The following FRK variants were observed in gnomAD, a reference collection of about 807,000 sequenced individuals.
FRK encodes fyn related Src family tyrosine kinase.
In FRK, 51 loss-of-function variants were observed where a neutral mutation model predicts 56.4. That is an observed-to-expected ratio of 0.90 (90% CI 0.72 to 1.14). The LOEUF is 1.14. Ranked by LOEUF, FRK falls within the 50% of genes most tolerant of loss-of-function variation. FRK has a pLI of 0.00. For synonymous variants in FRK, 245 were observed against 217.9 expected, an observed-to-expected ratio of 1.12 and a Z score of -1.10; for missense variants, 570 against 601.4, an observed-to-expected ratio of 0.95 and a Z score of 0.55.
In FRK at chr6:115,932,208, T is replaced by C. The variant is rs1038897506; in HGVS notation, c.*10206A>G. The C allele has an allele frequency of 6.6e-6, 1 of 152,204 alleles. No individual in the cohort carries two copies. Among genetic ancestry groups the C allele is most frequent in the African/African-American group, 2.4e-5 (1 of 41,452 alleles). The allele number at this position is 152,204 out of a possible 1,614,324, so 9.4% of individuals were successfully genotyped here. ...TTCTCCAGTATATTTCTAAATTTCA[T>C]AAATAACTTGAGAGGCCTACTAACA... On this transcript the variant is annotated 3_prime_UTR_variant, in exon 8 of 8. Coordinates refer to ENST00000606080, the MANE Select transcript of FRK (RefSeq NM_002031.3).
At chr6:115,986,900 C>T (rs1774417113) in intron 2 of FRK, among the ~76,000 whole-genome samples, 1 of 152,120 alleles carries the variant, frequency 6.6e-6, no homozygotes. Flanking sequence ...GATAGCAGCT[C>T]CATTAATTTG....
the FRK span, among the ~76,000 whole-genome samples, chr6:116,096,411 T>A: frequency 2.0e-5 from 3 of 152,172 alleles, no homozygotes; most frequent in Non-Finnish European, 4.4e-5. Context: ...TGTGTCTAAC[T>A]AAAGGATTGT....
upstream of FRK, among the ~76,000 whole-genome samples, chr6:116,065,248 A>C (rs1476209428): frequency 6.6e-6 from 1 of 152,158 alleles, no homozygotes; most frequent in Non-Finnish European, 1.5e-5. Context: ...AATGATCCCC[A>C]AACCCTGCTA....
At chr6:116,043,840 G>C (rs1186710321) in intron 1 of FRK, among the ~76,000 whole-genome samples, 1 of 152,064 alleles carries the variant, frequency 6.6e-6, no homozygotes, top group African/African-American at 2.4e-5. Context: ...TAGACCGCTA[G>C]ACAGACTAAT....
At chr6:115,975,524 G>T (rs1472700493) in intron 2 of FRK, among the ~76,000 whole-genome samples, 1 of 152,056 alleles carries the variant, frequency 6.6e-6, no homozygotes, top group East Asian at 1.9e-4. Flanking sequence ...TTGAATTCAG[G>T]TGTCTCAGAA....
At chr6:115,975,798 A>G (rs576902462) in intron 2 of FRK, among the ~76,000 whole-genome samples, 9 of 152,310 alleles carry the variant, frequency 5.9e-5, no homozygotes. Flanking sequence ...CTGAGTTTAC[A>G]TGTTGTTTGA....
At chr6:116,036,447 C>A (rs796564636) in intron 1 of FRK, among the ~76,000 whole-genome samples, 1 of 152,102 alleles carries the variant, frequency 6.6e-6, no homozygotes, top group South Asian at 2.1e-4. Flanking sequence ...TATAATGTTA[C>A]ATTGATAACA....
intron 5 of FRK, among the ~76,000 whole-genome samples, chr6:115,947,805 C>T (rs1772528532): frequency 6.6e-6 from 1 of 152,152 alleles, no homozygotes; most frequent in African/African-American, 2.4e-5. Flanking sequence ...TAGTATGCAG[C>T]ATAATGGCAA....
At chr6:116,080,347 G>C in the FRK span, among the ~76,000 whole-genome samples, 1 of 152,018 alleles carries the variant, frequency 6.6e-6, no homozygotes, top group Non-Finnish European at 1.5e-5. Context: ...GTAGAGATGG[G>C]GTTTCACCAT....
the FRK span, among the ~76,000 whole-genome samples, chr6:116,086,966 T>C: frequency 2.0e-5 from 3 of 152,230 alleles, no homozygotes; most frequent in African/African-American, 4.8e-5. Context: ...TTCCTGCAGC[T>C]AGACAAAATA....
rs113701747 is a variant in FRK at position 115,942,349 on chromosome 6, G to T, written c.*65C>A. 3.8e-6 allele frequency: 5 copies of T among 1,312,066 alleles called. No homozygotes were observed. In the African/African-American group the frequency reaches 5.8e-5, roughly 15 times the overall value. 81.3% of individuals were successfully genotyped at this position (1,312,066 alleles called of 1,614,324 possible). Reference sequence around the variant, plus strand: ...GATTGTGCAGTTGGTTGATAACATTGTATTTTGGAATGGATTATTTGAATT... The same window carrying T: ...GATTGTGCAGTTGGTTGATAACATTTTATTTTGGAATGGATTATTTGAATT... On this transcript the variant is annotated 3_prime_UTR_variant, in exon 8 of 8. Coordinates refer to ENST00000606080, the MANE Select transcript of FRK (RefSeq NM_002031.3).
At chr6:116,077,592 T>C in the FRK span, among the ~76,000 whole-genome samples, 1 of 152,244 alleles carries the variant, frequency 6.6e-6, no homozygotes, top group East Asian at 1.9e-4. Flanking sequence ...TTACCCTTAA[T>C]TTCTTTCTTG....
Position 115,970,738 on chromosome 6 carries a change from AAAT to A in FRK, c.467-2002_467-2000del, listed in dbSNP as rs1349873770. 1.1e-4 allele frequency among the ~76,000 whole-genome samples: 16 copies of A among 152,230 alleles called. No homozygotes were observed. The South Asian group carries it at 3.1e-3, about 30-fold the overall frequency. On this transcript the variant is annotated intron_variant, in intron 2 of 7. Transcript: ENST00000606080. ...TGGTGGCAGACCCTGTCTCAACAAA[AAAT>A]AATAATAATAATTGTTTTTAAATTA...
chr6:116,015,656 G>A (rs1775620663), intron 1 of FRK, among the ~76,000 whole-genome samples: 1 of 152,118 alleles, frequency 6.6e-6, no homozygotes, highest in East Asian at 1.9e-4. Context: ...ATAGTAATAT[G>A]GACAATGAAT....
chr6:116,094,991 G>T, the FRK span, among the ~76,000 whole-genome samples: 34 of 152,346 alleles, frequency 2.2e-4, no homozygotes, highest in African/African-American at 7.9e-4. Context: ...ATAATTGAAG[G>T]TCTTCTCTAT....
intron 2 of FRK, among the ~76,000 whole-genome samples, chr6:115,995,785 A>G (rs979301181): frequency 1.3e-5 from 2 of 152,286 alleles, no homozygotes; most frequent in Middle Eastern, 3.4e-3. Context: ...ACATAATAAA[A>G]TGTTAATTTA....
chr6:116,012,950 CA>C (rs1176388444), intron 1 of FRK, among the ~76,000 whole-genome samples: 1 of 152,098 alleles, frequency 6.6e-6, no homozygotes, highest in Non-Finnish European at 1.5e-5. Flanking sequence ...AAAACACAAG[CA>C]TATCAGGGCT....
chr6:116,039,537 T>TA, intron 1 of FRK: 1 of 1,156,600 alleles, frequency 8.6e-7, no homozygotes. Context: ...AGCCAGGGAC[T>TA]AAGCAGCCCA....
At chr6:116,009,938 A>T (rs908978372) in intron 1 of FRK, among the ~76,000 whole-genome samples, 24 of 152,296 alleles carry the variant, frequency 1.6e-4, no homozygotes, top group African/African-American at 5.8e-4. Flanking sequence ...TTAAAAAATC[A>T]ACAAACTGGC....
Sources: gnomAD v4.1 joint callset for allele counts (sites outside exome capture counted in the v4.1 genomes callset) on GRCh38, gnomAD v4.1.1 for gene constraint, MANE v1.5 for transcripts, NCBI Gene and HGNC (gene_info 2026-07-23, HGNC 2026-07-21) for gene names.